Variants in NFIC observed in about 807,000 individuals in gnomAD.
The protein encoded by NFIC is nuclear factor 1 C-type.
Under a neutral mutation model 54.4 loss-of-function variants are expected in NFIC, and 12 were observed. That is an observed-to-expected ratio of 0.22 (90% CI 0.14 to 0.36). The LOEUF is 0.36. NFIC is among the 10% of genes least tolerant of loss of function. NFIC has a pLI of 1.00. For synonymous variants in NFIC, 322 were observed against 319.2 expected (o/e 1.01, Z -0.09); for missense variants, 575 against 718.2 (o/e 0.80, Z 2.28).
chr19:3,406,717 C>T (rs2081655284), intron 2 of NFIC, among the ~76,000 whole-genome samples: 1 of 151,840 alleles, frequency 6.6e-6, no homozygotes, highest in South Asian at 2.1e-4. Context: ...TAACTGGACA[C>T]ACACGGGAAC....
At chr19:3,443,921 C>T (rs1289544778) in intron 6 of NFIC, among the ~76,000 whole-genome samples, 1 of 152,202 alleles carries the variant, frequency 6.6e-6, no homozygotes, top group Admixed American at 6.5e-5. Flanking sequence ...AGATTCATGC[C>T]CTGCATCGGG....
intron 3 of NFIC, among the ~76,000 whole-genome samples, chr19:3,432,622 C>A (rs915939585): frequency 6.6e-6 from 1 of 151,182 alleles, no homozygotes; most frequent in South Asian, 2.1e-4. Context: ...GATCACACAC[C>A]GAGGCAGGTG....
At position 3,453,708 on chromosome 19, in the gene NFIC, G is replaced by A; in HGVS notation, c.1270-55G>A. 6.5e-7 allele frequency: 1 copy of A among 1,546,272 alleles called. No individual in the cohort carries two copies. The highest frequency in any genetic ancestry group is 8.7e-7 in the Non-Finnish European group (1 of 1,152,812). On this transcript the variant is annotated intron_variant, in intron 8 of 10. Transcript: ENST00000443272. The surrounding 1 kb of genome is among the most constrained non-coding windows in gnomAD (Gnocchi z 6.7). ...GAGCCGGGGGCGGCCGGCGCCAGCAGCCCGAGGTAGAGGGGGAGCCCACCC... is the reference window on the plus strand; with the variant it reads ...GAGCCGGGGGCGGCCGGCGCCAGCAACCCGAGGTAGAGGGGGAGCCCACCC...
At chr19:3,460,671 G>A (rs1175171999) in intron 10 of NFIC, among the ~76,000 whole-genome samples, 4 of 151,898 alleles carry the variant, frequency 2.6e-5, no homozygotes, top group African/African-American at 9.7e-5. Context: ...GTGCCACCAC[G>A]CCTGGCTAAT....
intron 6 of NFIC, among the ~76,000 whole-genome samples, chr19:3,438,923 G>T (rs2082248769): frequency 6.6e-6 from 1 of 152,126 alleles, no homozygotes; most frequent in Non-Finnish European, 1.5e-5. Context: ...AAGACAGTCA[G>T]GGGGAACAAG....
At chr19:3,418,303 C>T (rs2145586421) in intron 2 of NFIC, among the ~76,000 whole-genome samples, 1 of 152,010 alleles carries the variant, frequency 6.6e-6, no homozygotes, top group South Asian at 2.1e-4. Context: ...CGCCATGGTG[C>T]CCAGTCTGGT....
At chr19:3,368,913 CTGTGTGTGTGTG>C (rs59920512) in intron 1 of NFIC, among the ~76,000 whole-genome samples, 9 of 147,062 alleles carry the variant, frequency 6.1e-5, no homozygotes, top group Admixed American at 6.7e-5. Context: ...TGCTCTGACT[CTGTGTGTGTGTG>C]TGTGTGTGTG....
Position 3,462,944 on chromosome 19 carries a change from G to GTTT in NFIC, c.*175_*176insTTT, listed in dbSNP as rs1408405862. On this transcript the variant is annotated 3_prime_UTR_variant, in exon 11 of 11. Transcript: ENST00000443272. Reference sequence around the variant, plus strand: ...TAGACGCACACACTCAGGAGGAAAAGAAAAAACAAAGGCAGAAGAAGAAGA... The same window carrying GTTT: ...TAGACGCACACACTCAGGAGGAAAAGTTTAAAAAACAAAGGCAGAAGAAGAAGA... The GTTT allele has an allele frequency of 2.2e-5, 31 of 1,418,592 alleles. No individual in the cohort carries two copies. The African/African-American group carries it at 4.4e-4, about 20-fold the overall frequency. The allele number at this position is 1,418,592 out of a possible 1,614,324, so 87.9% of individuals were successfully genotyped here.
Position 3,370,140 on chromosome 19 carries a change from G to GC in NFIC, c.30+3478dup, listed in dbSNP as rs2080973578. ...GCCTACCAGGAGCAGGGGGCCTGCA[G>GC]CCCCTCAGTGCCGGGAGAGGGGCTA... On this transcript the variant is annotated intron_variant, in intron 1 of 10. Transcript: ENST00000443272. This position sits in a 1 kb window ranked among gnomAD's most constrained non-coding sequence, Gnocchi z 5.2. Among the ~76,000 whole-genome samples, 1 of 152,216 alleles carries GC rather than the reference G, an allele frequency of 6.6e-6. No individual in the cohort carries two copies. The highest frequency in any genetic ancestry group is 2.4e-5 in the African/African-American group (1 of 41,454).
chr19:3,382,541 T>TGCAGGGCCCAGGGTGGCTGCTG (rs2081229710), intron 2 of NFIC, among the ~76,000 whole-genome samples: 1 of 151,108 alleles, frequency 6.6e-6, no homozygotes, highest in African/African-American at 2.4e-5. Flanking sequence ...GGCCAGTGCA[T>TGCAGGGCCCAGGGTGGCTGCTG]ATAGATGTGA....
intron 10 of NFIC, among the ~76,000 whole-genome samples, chr19:3,460,978 A>T (rs559220612): frequency 1.3e-5 from 2 of 152,104 alleles, no homozygotes; most frequent in South Asian, 4.2e-4. Flanking sequence ...TACAAAAATT[A>T]GCTGGGTGTG....
chr19:3,435,036 C>G, intron 5 of NFIC, 47 bp from the exon 6 acceptor site: 1 of 1,517,096 alleles, frequency 6.6e-7, no homozygotes, highest in South Asian at 1.2e-5. Context: ...CGCCCCCCGC[C>G]CCGCGTCTCC....
At chr19:3,443,659 ATCC>A (rs2082327157) in intron 6 of NFIC, among the ~76,000 whole-genome samples, 1 of 151,988 alleles carries the variant, frequency 6.6e-6, no homozygotes, top group Non-Finnish European at 1.5e-5. Context: ...GGTCCATGGA[ATCC>A]TCTAAGACAG....
chr19:3,448,261 C>T (rs1164593308), intron 6 of NFIC, among the ~76,000 whole-genome samples: 1 of 152,176 alleles, frequency 6.6e-6, no homozygotes, highest in East Asian at 1.9e-4. Flanking sequence ...TTAGTGGAGA[C>T]AGGGTTTCAC....
chr19:3,427,216 G>A (rs1044476188), intron 3 of NFIC, among the ~76,000 whole-genome samples: 3 of 151,962 alleles, frequency 2.0e-5, no homozygotes, highest in Non-Finnish European at 4.4e-5. Context: ...ATGAGCCACC[G>A]CGCCCAGCCT....
chr19:3,409,191 A>C (rs553549270), intron 2 of NFIC, among the ~76,000 whole-genome samples: 2 of 152,086 alleles, frequency 1.3e-5, no homozygotes, highest in Admixed American at 6.6e-5. Context: ...ACCACGCTGC[A>C]GCCTGGGGTC....
intron 2 of NFIC, among the ~76,000 whole-genome samples, chr19:3,393,018 G>A (rs1408502209): frequency 6.6e-6 from 1 of 152,138 alleles, no homozygotes; most frequent in Non-Finnish European, 1.5e-5. Context: ...TCGGCTCGCT[G>A]CAACCTCCGC....
rs769803043 is a variant in NFIC at position 3,462,814 on chromosome 19, C to G, written c.*45C>G. The G allele has an allele frequency of 1.2e-6, 2 of 1,613,524 alleles. No individual in the cohort carries two copies. The highest frequency in any genetic ancestry group is 1.3e-5 in the African/African-American group (1 of 74,870). Reference sequence around the variant, plus strand: ...CCCCTTCTCCATCGTCCCAGGAATCCCAGGGGGCAGCACAGCCGGCCCCCG... The same window carrying G: ...CCCCTTCTCCATCGTCCCAGGAATCGCAGGGGGCAGCACAGCCGGCCCCCG... On this transcript the variant is annotated 3_prime_UTR_variant, in exon 11 of 11. Transcript: ENST00000443272.
Position 3,390,355 on chromosome 19 carries a change from C to T in NFIC, c.562+8112C>T, listed in dbSNP as rs191987586. On this transcript the variant is annotated intron_variant, in intron 2 of 10. Coordinates refer to ENST00000443272, the MANE Select transcript of NFIC (RefSeq NM_001245002.2). ...CAACGGCAGGAGTCCGCGGGGCATACGTCAGTGGTAAAGAGGGACGGGCAG... is the reference window on the plus strand; with the variant it reads ...CAACGGCAGGAGTCCGCGGGGCATATGTCAGTGGTAAAGAGGGACGGGCAG... 7.9e-5 allele frequency among the ~76,000 whole-genome samples: 12 copies of T among 152,272 alleles called. No homozygotes were observed. In the East Asian group the frequency reaches 2.1e-3, roughly 27 times the overall value.
Sources: gnomAD v4.1 joint callset for allele counts (sites outside exome capture counted in the v4.1 genomes callset) on GRCh38, gnomAD v4.1.1 for gene constraint, Gnocchi (gnomAD v3.1) non-coding constraint, MANE v1.5 for transcripts, NCBI Gene and HGNC (gene_info 2026-07-23, HGNC 2026-07-21) for gene names.